Variants in NCOR2 observed in about 807,000 individuals in gnomAD.
The protein encoded by NCOR2 is nuclear receptor corepressor 2, also known as CTG repeat protein 26.
Under a neutral mutation model 262.9 loss-of-function variants are expected in NCOR2, and 81 were observed. That is an observed-to-expected ratio of 0.31 (90% confidence interval 0.26 to 0.37). The LOEUF (loss-of-function observed/expected upper bound fraction) is 0.37, where lower values mean the gene tolerates loss of function less well. Among genes scored for constraint, NCOR2 ranks in the 10% least tolerant of loss-of-function variants. NCOR2 has a pLI of 1.00. For synonymous variants in NCOR2, 1,659 were observed against 1,559.3 expected (o/e 1.06, Z -1.51); for missense variants, 3,385 against 3,621.4 (o/e 0.93, Z 1.68).
At chr12:124,447,341 T>C (rs908722335) in intron 7 of NCOR2, among the ~76,000 whole-genome samples, 17 of 152,268 alleles carry the variant, frequency 1.1e-4, no homozygotes, top group Non-Finnish European at 2.4e-4. Flanking sequence ...AGGAAGATTA[T>C]GAGATGTCAA....
chr12:124,506,685 A>T (rs1433577110), intron 1 of NCOR2, among the ~76,000 whole-genome samples: 1 of 151,946 alleles, frequency 6.6e-6, no homozygotes, highest in Non-Finnish European at 1.5e-5. Context: ...CCCAGGAGGG[A>T]CGTGTTTTCC....
chr12:124,407,445 T>G (rs954158204), intron 13 of NCOR2, among the ~76,000 whole-genome samples: 19 of 152,178 alleles, frequency 1.2e-4, no homozygotes, highest in Non-Finnish European at 2.9e-5. Context: ...CTGGAGGGCC[T>G]GGCCAGGGCT....
At chr12:124,385,917 A>C (rs2040766896) in intron 16 of NCOR2, 30 bp from the exon 19 acceptor site, 2 of 1,604,472 alleles carry the variant, frequency 1.2e-6, no homozygotes, top group Admixed American at 3.4e-5. Context: ...CAGTGAGAAG[A>C]GGCCAGGCCC....
At chr12:124,360,169 A>C (rs1353940528) in intron 22 of NCOR2, among the ~76,000 whole-genome samples, 4 of 152,206 alleles carry the variant, frequency 2.6e-5, no homozygotes, top group Non-Finnish European at 4.4e-5. Context: ...GGGGCCCCTG[A>C]CATGGATACA....
At chr12:124,550,512 CG>C (rs1008057405) in intron 1 of NCOR2, among the ~76,000 whole-genome samples, 7 of 152,024 alleles carry the variant, frequency 4.6e-5, no homozygotes, top group Middle Eastern at 3.4e-3. Context: ...GGATGGTGAA[CG>C]GGGGGGAGGA....
rs150814615 is a variant in NCOR2, at chr12:124,533,270, C to T, written c.-118+2295G>A. Among the ~76,000 whole-genome samples the T allele has an allele frequency of 2.2e-4, 33 of 152,108 alleles. 1 individual carries two copies. Among genetic ancestry groups the T allele is most frequent in the Middle Eastern group, 3.4e-3 (1 of 294 alleles). On this transcript the variant is annotated intron_variant, in intron 1 of 46. Coordinates refer to the NCOR2 transcript ENST00000404621. ...GAGGCCTCCTCCAGGAAAACTCCCC[C>T]GAGGTAACTCAGAATCGCGCAACCC...
At chr12:124,452,951 C>A (rs576703294) in intron 6 of NCOR2, among the ~76,000 whole-genome samples, 1 of 152,292 alleles carries the variant, frequency 6.6e-6, no homozygotes, top group African/African-American at 2.4e-5. Context: ...ACCAGCCACT[C>A]CCCGAGGCCC....
intron 6 of NCOR2, among the ~76,000 whole-genome samples, chr12:124,450,918 G>T (rs2045482952): frequency 1.3e-5 from 2 of 152,238 alleles, no homozygotes; most frequent in Admixed American, 6.5e-5. Flanking sequence ...ACGAGACAGT[G>T]CATGCTAAGC....
At chr12:124,391,567 C>T (rs922716490) in intron 16 of NCOR2, among the ~76,000 whole-genome samples, 1 of 152,180 alleles carries the variant, frequency 6.6e-6, no homozygotes, top group East Asian at 1.9e-4. Flanking sequence ...GGCACTCCTG[C>T]GTGTCTTGTC....
intron 17 of NCOR2, among the ~76,000 whole-genome samples, chr12:124,384,815 G>A (rs372798282): frequency 1.3e-5 from 2 of 152,022 alleles, no homozygotes; most frequent in African/African-American, 4.8e-5. Context: ...GGGAGTGGCG[G>A]GGGGAGGAGT....
intron 20 of NCOR2, among the ~76,000 whole-genome samples, chr12:124,371,212 G>GC (rs1197543222): frequency 8.2e-6 from 1 of 121,730 alleles, no homozygotes; most frequent in Non-Finnish European, 1.7e-5. Context: ...CGTGAGAGCT[G>GC]CCCCCCGTCC....
rs180678397 is a variant in NCOR2 at position 124,412,421 on chromosome 12, G to A, written c.1482+7536C>T. On this transcript the variant is annotated intron_variant, in intron 13 of 46. Coordinates refer to ENST00000405201, the Ensembl canonical transcript of NCOR2. Reference sequence around the variant, plus strand: ...CGGGTGGCCACAGCATCTATGAAGCGTGGCTTTGCAAACATGCAGATGCAC... The same window carrying A: ...CGGGTGGCCACAGCATCTATGAAGCATGGCTTTGCAAACATGCAGATGCAC... Among the ~76,000 whole-genome samples the A allele has an allele frequency of 1.8e-3, 268 of 152,334 alleles. 2 individuals are homozygous for A. Among genetic ancestry groups the A allele is most frequent in the Non-Finnish European group, 2.5e-4 (17 of 68,036 alleles).
intron 17 of NCOR2, among the ~76,000 whole-genome samples, chr12:124,384,171 T>C (rs1050901547): frequency 8.5e-5 from 13 of 152,344 alleles, no homozygotes; most frequent in Middle Eastern, 3.4e-3. Context: ...CTCAGACTCC[T>C]GACCTGGCTG....
chr12:124,485,161 C>T (rs1428942091), intron 2 of NCOR2, among the ~76,000 whole-genome samples: 4 of 152,204 alleles, frequency 2.6e-5, no homozygotes, highest in African/African-American at 9.6e-5. Context: ...AAATAATGTC[C>T]TCCCAAAATC....
chr12:124,421,158 G>C (rs1050484204), intron 12 of NCOR2, among the ~76,000 whole-genome samples: 1 of 152,228 alleles, frequency 6.6e-6, no homozygotes, highest in Non-Finnish European at 1.5e-5. Context: ...CTGGCTCCCA[G>C]CCAGACGTCA....
At chr12:124,327,003 T>A (rs2135717312) in intron 45 of NCOR2, among the ~76,000 whole-genome samples, 1 of 152,298 alleles carries the variant, frequency 6.6e-6, no homozygotes, top group Non-Finnish European at 1.5e-5. Flanking sequence ...TGGCAGATGC[T>A]GAGCACAGGC....
chr12:124,564,794 G>C (rs2052180554), intron 1 of NCOR2, among the ~76,000 whole-genome samples: 1 of 152,094 alleles, frequency 6.6e-6, no homozygotes, highest in Admixed American at 6.5e-5. Flanking sequence ...TCTCAGCCAG[G>C]GGGAAACGGG....
intron 16 of NCOR2, among the ~76,000 whole-genome samples, chr12:124,392,459 A>G (rs955984326): frequency 6.6e-6 from 1 of 152,086 alleles, no homozygotes; most frequent in South Asian, 2.1e-4. Flanking sequence ...GCCCCGAGGC[A>G]CCGCACCGTC....
intron 5 of NCOR2, among the ~76,000 whole-genome samples, chr12:124,458,018 G>A (rs2045970888): frequency 6.6e-6 from 1 of 152,220 alleles, no homozygotes; most frequent in Non-Finnish European, 1.5e-5. Flanking sequence ...GGTGCCCCCT[G>A]CACCAGGCTA....
Sources: gnomAD v4.1 joint callset for allele counts (sites outside exome capture counted in the v4.1 genomes callset) on GRCh38, gnomAD v4.1.1 for gene constraint, MANE v1.5 for transcripts, NCBI Gene and HGNC (gene_info 2026-07-23, HGNC 2026-07-21) for gene names.